MYH14: variants seen among roughly 807,000 people sequenced by gnomAD.
MYH14 encodes myosin-14.
Under a neutral mutation model 255.5 loss-of-function variants are expected in MYH14, and 123 were observed. That is an observed-to-expected ratio of 0.48 (90% CI 0.42 to 0.56). The LOEUF (loss-of-function observed/expected upper bound fraction) is 0.56, where lower values mean the gene tolerates loss of function less well. Among genes scored for constraint, MYH14 ranks in the 20% least tolerant of loss-of-function variants. The probability of loss-of-function intolerance (pLI) is 0.00; values close to 1 mark genes in which losing one functional copy is unlikely to be tolerated. For synonymous variants in MYH14, 1,095 were observed against 1,161.2 expected (o/e 0.94, Z 1.16); for missense variants, 2,423 against 2,802.3 (o/e 0.86, Z 3.06).
At chr19:50,275,961 T>G in intron 27 of MYH14, 30 bp from the exon 28 acceptor site, 1 of 1,580,214 alleles carries the variant, frequency 6.3e-7, no homozygotes. Flanking sequence ...CCTGCCCCTG[T>G]ATCAACTCCA....
intron 1 of MYH14, among the ~76,000 whole-genome samples, chr19:50,207,239 G>GAGAGAGAGAGAGAGAA (rs2031817267): frequency 3.5e-5 from 4 of 114,298 alleles, no homozygotes; most frequent in East Asian, 3.8e-4. Context: ...TAAGAAAAAA[G>GAGAGAGAGAGAGAGAA]AGAGAGAGAG....
In MYH14 at chr19:50,310,179, C is replaced by G. The variant is rs149455351; in HGVS notation, c.*389C>G. On this transcript the variant is annotated 3_prime_UTR_variant, in exon 43 of 43. Coordinates refer to ENST00000642316, the MANE Select transcript of MYH14 (RefSeq NM_001145809.2). ...CAACCCATTCCCTCTGCTTCTCTCTCTCTCTCTCTCTCTCCCTCCCTCTCC... is the reference window on the plus strand; with the variant it reads ...CAACCCATTCCCTCTGCTTCTCTCTGTCTCTCTCTCTCTCCCTCCCTCTCC... The G allele has an allele frequency of 1.2e-3, 322 of 275,420 alleles. 2 individuals are homozygous for G. Among genetic ancestry groups the G allele is most frequent in the African/African-American group, 7.2e-3 (316 of 43,802 alleles). 17.1% of individuals were successfully genotyped at this position (275,420 alleles called of 1,614,324 possible). A position where few individuals can be genotyped will look rare whatever the true frequency, so the allele number is the denominator to read the frequency against.
intron 21 of MYH14, 51 bp from the exon 22 acceptor site, chr19:50,263,261 G>T (rs542243899): frequency 9.2e-6 from 11 of 1,194,190 alleles, no homozygotes; most frequent in Non-Finnish European, 1.3e-5. Flanking sequence ...CTTGCTAAGG[G>T]GATGGCGCCT....
rs1568529123 is a variant in MYH14, at chr19:50,276,254, G to A, written c.3680+51G>A. ...CACAGCCTGTGCACATACAGGGCTG[G>A]GGGAAGGACTTAGGTACAAAGTCTC... On this transcript the variant is annotated intron_variant, in intron 28 of 42. Transcript: ENST00000642316. This position sits in a 1 kb window ranked among gnomAD's most constrained non-coding sequence, Gnocchi z 4.3. The A allele has an allele frequency of 3.0e-6, 4 of 1,336,848 alleles. No individual in the cohort carries two copies. The highest frequency in any genetic ancestry group is 5.0e-5 in the East Asian group (2 of 39,746). 82.8% of individuals were successfully genotyped at this position (1,336,848 alleles called of 1,614,324 possible).
intron 33 of MYH14, 83 bp downstream of exon 33, chr19:50,281,925 G>A (rs1371060102): frequency 9.6e-6 from 14 of 1,455,800 alleles, no homozygotes; most frequent in Admixed American, 5.8e-5. Context: ...CCAGTAATCC[G>A]TGCTGTCACG....
At chr19:50,294,714 A>G (rs2036204015) in intron 39 of MYH14, among the ~76,000 whole-genome samples, 3 of 145,164 alleles carry the variant, frequency 2.1e-5, no homozygotes. Context: ...GGGTGACTGG[A>G]TGACAGAGTG....
chr19:50,264,117 C>T (rs2034997639), intron 22 of MYH14, among the ~76,000 whole-genome samples: 2 of 141,396 alleles, frequency 1.4e-5, no homozygotes, highest in Middle Eastern at 3.9e-3. Context: ...ATAAGTGTCT[C>T]GGAGAGACCA....
intron 3 of MYH14, 108 bp downstream of exon 3, chr19:50,217,879 ACT>A: frequency 7.3e-7 from 1 of 1,374,410 alleles, no homozygotes; most frequent in Middle Eastern, 2.6e-4. Context: ...TGTAGACTTG[ACT>A]CTGTAGGGCT....
chr19:50,278,230 C>T lies in MYH14; in HGVS notation c.3973C>T (p.Arg1325Trp), dbSNP rs376705845. ...LELQLQEVQGRAGDGERARAE... is the reference protein window; with the variant it reads ...LELQLQEVQGWAGDGERARAE... ...GTTACAGCTGCAGGAGGTGCAGGGCCGGGCTGGTGATGGGGAGAGGGCACG... is the reference window on the plus strand; with the variant it reads ...GTTACAGCTGCAGGAGGTGCAGGGCTGGGCTGGTGATGGGGAGAGGGCACG... Residue 1325 changes from arginine to tryptophan, a missense_variant, in exon 30 of 43, where the codon CGG (arginine) becomes TGG (tryptophan). By Grantham distance (101) the Arg-to-Trp change is moderately radical. Transcript: ENST00000642316. The T allele has an allele frequency of 5.4e-5, 87 of 1,600,338 alleles. No individual in the cohort carries two copies. The highest frequency in any genetic ancestry group is 1.9e-4 in the Middle Eastern group (1 of 5,250).
Position 50,276,632 on chromosome 19 carries a change from G to A in MYH14, c.3681-125G>A. 1 of 1,246,004 alleles carries A rather than the reference G, an allele frequency of 8.0e-7. No homozygotes were observed. The highest frequency in any genetic ancestry group is 1.2e-6 in the Non-Finnish European group (1 of 869,444). The allele number at this position is 1,246,004 out of a possible 1,614,324, so 77.2% of individuals were successfully genotyped here. A position where few individuals can be genotyped will look rare whatever the true frequency, so the allele number is the denominator to read the frequency against. ...CACAGCATCACCACCCAGATCTCCT[G>A]AGGAGCATAACATGAGGCCCTCATA... On this transcript the variant is annotated intron_variant, in intron 28 of 42. Coordinates refer to ENST00000642316, the MANE Select transcript of MYH14 (RefSeq NM_001145809.2). The surrounding 1 kb of genome is among the most constrained non-coding windows in gnomAD (Gnocchi z 4.3).
At chr19:50,257,610 A>C in intron 18 of MYH14, 124 bp downstream of exon 18, 1 of 957,104 alleles carries the variant, frequency 1.0e-6, no homozygotes, top group Middle Eastern at 2.1e-4. Flanking sequence ...CTTTGAGCAA[A>C]TTGCTTCTAT....
At position 50,230,330 on chromosome 19, in the gene MYH14, C is replaced by T. The variant is rs536129788; in HGVS notation, c.875-195C>T. Reference sequence around the variant, plus strand: ...CCCCTTGAACAGGTAGATGAGGAAACTGAGGCACAAGTGCTTAAGTGACAT... The same window carrying T: ...CCCCTTGAACAGGTAGATGAGGAAATTGAGGCACAAGTGCTTAAGTGACAT... On this transcript the variant is annotated intron_variant, in intron 8 of 42. Transcript: ENST00000642316. The surrounding 1 kb of genome is among the most constrained non-coding windows in gnomAD (Gnocchi z 4.7). Among the ~76,000 whole-genome samples the T allele has an allele frequency of 8.5e-5, 13 of 152,264 alleles. No homozygotes were observed. Among genetic ancestry groups the T allele is most frequent in the Admixed American group, 1.3e-4 (2 of 15,286 alleles).
chr19:50,275,968 T>TG (rs753907262), intron 27 of MYH14, 23 bp from the exon 28 acceptor site: 3 of 1,598,656 alleles, frequency 1.9e-6, no homozygotes, highest in Non-Finnish European at 2.6e-6. Flanking sequence ...CTGTATCAAC[T>TG]CCACGGTTCT....
rs754001266 is a variant in MYH14 at position 50,261,464 on chromosome 19, A to G, written c.2425-11A>G. 9.2e-7 allele frequency: 1 copy of G among 1,087,272 alleles called. No homozygotes were observed. The highest frequency in any genetic ancestry group is 1.1e-6 in the Non-Finnish European group (1 of 887,876). The allele number at this position is 1,087,272 out of a possible 1,614,324, so 67.4% of individuals were successfully genotyped here. ...CCCTCTCCGTCATCACCCCTCTCCC[A>G]CCCCTCACAGATCCAGGCGCTGGAA... On this transcript the variant is annotated splice_polypyrimidine_tract_variant and intron_variant, in intron 20 of 42. Coordinates refer to ENST00000642316, the MANE Select transcript of MYH14 (RefSeq NM_001145809.2).
In MYH14 at chr19:50,272,855, G is replaced by A. The variant is rs917354304; in HGVS notation, c.3467+124G>A. ...GGAGCCACTCACCAGCCACAGACAGGCCACATCCCCTCCGAGCCTCAGTGT... is the reference window on the plus strand; with the variant it reads ...GGAGCCACTCACCAGCCACAGACAGACCACATCCCCTCCGAGCCTCAGTGT... On this transcript the variant is annotated intron_variant, in intron 27 of 42. Transcript: ENST00000642316. 10 of 939,596 alleles carry A rather than the reference G, an allele frequency of 1.1e-5. No individual in the cohort carries two copies. In the Admixed American group the frequency reaches 2.4e-4, roughly 22 times the overall value. 58.2% of individuals were successfully genotyped at this position (939,596 alleles called of 1,614,324 possible).
Position 50,289,556 on chromosome 19 carries a change from G to T in MYH14, c.4873G>T (p.Val1625Leu), listed in dbSNP as rs371242797. 25 of 1,613,020 alleles carry T rather than the reference G, an allele frequency of 1.5e-5. No individual in the cohort carries two copies. Among genetic ancestry groups the T allele is most frequent in the Non-Finnish European group, 1.9e-5 (22 of 1,179,640 alleles). ...AAEDAKLRLE[V>L]TVQALKTQHE... Reference sequence around the variant, plus strand: ...CGAGGATGCCAAGCTGCGTCTGGAGGTGACTGTGCAGGCTCTCAAGACTCA... The same window carrying T: ...CGAGGATGCCAAGCTGCGTCTGGAGTTGACTGTGCAGGCTCTCAAGACTCA... Residue 1625 changes from valine (V) to leucine (L), a missense_variant, in exon 35 of 43, where the codon GTG (valine) becomes TTG (leucine). This residue lies in a region of MYH14 where 1,513 missense variants were observed against 1,674.8 expected (regional missense o/e 0.90). Transcript: ENST00000642316.
Position 50,226,951 on chromosome 19 carries a change from G to A in MYH14, c.859G>A (p.Ala287Thr), listed in dbSNP as rs756240699. 64 of 1,613,656 alleles carry A rather than the reference G, an allele frequency of 4.0e-5. 1 individual carries two copies. In the South Asian group the frequency reaches 6.1e-4, roughly 16 times the overall value. The change falls in exon 8 of 43, where the codon GCC (alanine) becomes ACC (threonine). Residue 287 changes from alanine (A) to threonine (T), a missense_variant. Ala to Thr is a moderately conservative substitution (Grantham distance 58, BLOSUM62 0). Coordinates refer to ENST00000642316, the MANE Select transcript of MYH14 (RefSeq NM_001145809.2). Reference protein sequence around the residue: ...NFDVAGYIVGANIETYLLEKS... With the variant: ...NFDVAGYIVGTNIETYLLEKS... ...TGATGTTGCCGGGTACATCGTGGGC[G>A]CCAACATTGAGACCTGTATCCTCTC...
At chr19:50,231,238 C>T (rs989216641) in intron 9 of MYH14, among the ~76,000 whole-genome samples, 2 of 152,262 alleles carry the variant, frequency 1.3e-5, no homozygotes, top group Non-Finnish European at 2.9e-5. Flanking sequence ...ATAGCCCCTC[C>T]TCATCCAGGT....
chr19:50,210,794 C>T lies in MYH14; in HGVS notation c.405+24C>T, dbSNP rs368377031. On this transcript the variant is annotated intron_variant, in intron 2 of 42. Coordinates refer to ENST00000642316, the MANE Select transcript of MYH14 (RefSeq NM_001145809.2). ...ACGTGAGTGGGCTCCTGCTGGGGGG[C>T]GCGTGCGGCGGAGTTGCTGCCGGTT... 1.4e-4 allele frequency: 210 copies of T among 1,541,696 alleles called. No homozygotes were observed. The Admixed American group carries it at 3.1e-3, about 22-fold the overall frequency.
Sources: gnomAD v4.1 joint callset for allele counts (sites outside exome capture counted in the v4.1 genomes callset) on GRCh38, gnomAD v4.1.1 for gene constraint, gnomAD v4.1.1 regional missense constraint, Gnocchi (gnomAD v3.1) non-coding constraint, MANE v1.5 for transcripts, NCBI Gene and HGNC (gene_info 2026-07-23, HGNC 2026-07-21) for gene names.